The following SRP68 variants were observed in gnomAD, a reference collection of about 807,000 sequenced individuals.
SRP68 encodes the protein signal recognition particle subunit SRP68.
A neutral mutation model predicts 82.2 loss-of-function variants in SRP68; 15 were observed. The observed-to-expected ratio is 0.18, with a 90% confidence interval of 0.12 to 0.28. The LOEUF (loss-of-function observed/expected upper bound fraction) is 0.28, where lower values mean the gene tolerates loss of function less well. Ranked by LOEUF, SRP68 falls within the 10% of genes least tolerant of loss-of-function variation. The pLI, the probability that SRP68 is intolerant of heterozygous loss-of-function variation, is 1.00. For missense variants in SRP68, 595 were observed against 780.5 expected (o/e 0.76, Z 2.83); for synonymous variants, 261 against 292.6 (o/e 0.89, Z 1.10).
At chr17:76,059,010 C>T (rs373350380) in intron 7 of SRP68, among the ~76,000 whole-genome samples, 1 of 152,090 alleles carries the variant, frequency 6.6e-6, no homozygotes, top group African/African-American at 2.4e-5. Flanking sequence ...GAGGCTAAGG[C>T]GAACAGATTG....
At chr17:76,062,277 A>G (rs1309617906) in intron 4 of SRP68, among the ~76,000 whole-genome samples, 1 of 130,040 alleles carries the variant, frequency 7.7e-6, no homozygotes, top group African/African-American at 3.2e-5. Context: ...ACAGAGTGAG[A>G]CTCTGTCTCA....
At chr17:76,057,663 T>C (rs1446546181) in intron 7 of SRP68, 120 bp from the exon 8 acceptor site, 2 of 1,109,450 alleles carry the variant, frequency 1.8e-6, no homozygotes, top group African/African-American at 1.6e-5. Flanking sequence ...CCATAGAAAG[T>C]AGAGTATACA....
At chr17:76,045,192 C>G in intron 12 of SRP68, 100 bp downstream of exon 12, 1 of 882,662 alleles carries the variant, frequency 1.1e-6, no homozygotes, top group Non-Finnish European at 1.8e-6. Flanking sequence ...TAACCATACA[C>G]TCAAGGCCAA....
intron 8 of SRP68, chr17:76,053,473 T>G (rs2066690482): frequency 1.2e-5 from 12 of 985,232 alleles, no homozygotes; most frequent in Non-Finnish European, 1.4e-5. Context: ...TTGCCTCTTT[T>G]CCTGTCGGTA....
Position 76,067,329 on chromosome 17 carries a change from C to T in SRP68, c.253G>A (p.Gly85Ser), listed in dbSNP as rs763306027. ...CGTCTTTGTCTACGGGAACAGTAGC[C>T]CCTGTAAGAAACCACAAACAAAACT... ...LRHGDFQRYRGYCSRRQRRLR... is the reference protein window; with the variant it reads ...LRHGDFQRYRSYCSRRQRRLR... The change falls in exon 3 of 16, where the codon GGC becomes AGC. Residue 85 changes from glycine to serine, a missense_variant and splice_region_variant. Physicochemically the swap from Gly to Ser is moderately conservative, Grantham distance 56. Around this residue, in one of 2 missense-constraint regions of SRP68, gnomAD observed 495 missense variants for 688.6 expected, o/e 0.72. Coordinates refer to ENST00000307877, the MANE Select transcript of SRP68 (RefSeq NM_014230.4). 1.4e-5 allele frequency: 23 copies of T among 1,609,696 alleles called. No individual in the cohort carries two copies. Among genetic ancestry groups the T allele is most frequent in the Non-Finnish European group, 1.9e-5 (22 of 1,177,972 alleles).
Position 76,046,056 on chromosome 17 carries a change from G to A in SRP68, c.1281C>T (p.Leu427=), listed in dbSNP as rs2066627610. ...RSPRPQDLIR[L]YDIILQNLVE... is the part of the protein sequence containing the mutation. ...GGGTCACCTGTAAGATGATGTCATA[G>A]AGTCGGATCAGGTCCTGGGGCCGGG... The change falls in exon 11 of 16, where the codon CTC becomes CTT. Residue 427 remains leucine (L), a synonymous_variant. Transcript: ENST00000307877. 1 of 1,613,944 alleles carries A rather than the reference G, an allele frequency of 6.2e-7. No individual in the cohort carries two copies. Among genetic ancestry groups the A allele is most frequent in the Non-Finnish European group, 8.5e-7 (1 of 1,179,882 alleles).
chr17:76,062,678 A>T (rs185494006), intron 4 of SRP68, among the ~76,000 whole-genome samples: 629 of 22,406 alleles, frequency 0.028, 146 homozygotes, highest in African/African-American at 0.17. Flanking sequence ...ACATTATATA[A>T]TATATAATAT....
intron 12 of SRP68, 63 bp from the exon 13 acceptor site, chr17:76,044,021 C>T: frequency 6.5e-7 from 1 of 1,547,884 alleles, no homozygotes; most frequent in Admixed American, 2.2e-5. Flanking sequence ...CCAAGGCTTT[C>T]CTTGCAGTTT....
At chr17:76,059,418 T>C (rs1211528019) in intron 7 of SRP68, among the ~76,000 whole-genome samples, 1 of 152,022 alleles carries the variant, frequency 6.6e-6, no homozygotes, top group East Asian at 1.9e-4. Context: ...GGCGGGCGCC[T>C]GTAATCCCAG....
intron 3 of SRP68, among the ~76,000 whole-genome samples, chr17:76,065,888 A>C (rs564828722): frequency 6.6e-6 from 1 of 151,468 alleles, no homozygotes; most frequent in South Asian, 2.1e-4. Context: ...AGGTTCAAGG[A>C]CCATGCCTCC....
chr17:76,045,286 C>A lies in SRP68; in HGVS notation c.1394+6G>T, dbSNP rs368769350. ...GAGGAAAACTGCCCATCCCATGGGA[C>A]GTTACCTGTAAGCTTTGAACACCAG... On this transcript the variant is annotated splice_donor_region_variant and intron_variant, in intron 12 of 15. Transcript: ENST00000307877. 3.1e-6 allele frequency: 5 copies of A among 1,611,668 alleles called. No individual in the cohort carries two copies. The highest frequency in any genetic ancestry group is 4.2e-6 in the Non-Finnish European group (5 of 1,178,082).
At chr17:76,041,024 G>T in intron 13 of SRP68, 46 bp from the exon 14 acceptor site, 2 of 1,548,478 alleles carry the variant, frequency 1.3e-6, no homozygotes, top group South Asian at 2.2e-5. Context: ...GGCCAGGTCA[G>T]AGAAGCACAC....
At position 76,039,967 on chromosome 17, in the gene SRP68, C is replaced by T. The variant is rs548585908; in HGVS notation, c.1657-34G>A. ...CAAATCAAAGAGACGTATGTAGCATCGGTCACAGAACACCCTTGGTGAACA... is the reference window on the plus strand; with the variant it reads ...CAAATCAAAGAGACGTATGTAGCATTGGTCACAGAACACCCTTGGTGAACA... On this transcript the variant is annotated intron_variant, in intron 15 of 15. Coordinates refer to ENST00000307877, the MANE Select transcript of SRP68 (RefSeq NM_014230.4). 4.0e-5 allele frequency: 64 copies of T among 1,602,072 alleles called. No individual in the cohort carries two copies. The East Asian group carries it at 5.1e-4, about 13-fold the overall frequency.
At chr17:76,057,111 G>C (rs1006019225) in intron 8 of SRP68, among the ~76,000 whole-genome samples, 8 of 152,176 alleles carry the variant, frequency 5.3e-5, no homozygotes, top group Non-Finnish European at 1.2e-4. Context: ...TGCACCACCT[G>C]CTGGGCCAAA....
In SRP68 at chr17:76,072,200, C is replaced by T; in HGVS notation, c.184+108G>A. The T allele has an allele frequency of 6.4e-7, 1 of 1,574,674 alleles. No individual in the cohort carries two copies. The highest frequency in any genetic ancestry group is 2.0e-5 in the Admixed American group (1 of 50,814). The stretch of plus-strand genomic sequence containing the variant: ...AGGTAAGGGCGAGAGAAACTGCAAC[C>T]CTCGGCCTCTCCTGCCAGGACTTGT... On this transcript the variant is annotated intron_variant, in intron 1 of 15. Transcript: ENST00000307877. This position sits in a 1 kb window ranked among gnomAD's most constrained non-coding sequence, Gnocchi z 4.5.
rs144469138 is a variant in SRP68, at chr17:76,045,333, C to T, written c.1353G>A (p.Gln451=). 6.2e-6 allele frequency: 10 copies of T among 1,613,914 alleles called. No individual in the cohort carries two copies. The East Asian group carries it at 2.2e-4, about 36-fold the overall frequency. ...CCAGAGTCTTGAGGCCTATCTCTTT[C>T]TGGAAGGCTTTGTCTTCCTCTAAAC... The part of the protein sequence containing the change: ...LPGLEEDKAF[Q]KEIGLKTLVF... The change falls in exon 12 of 16, where the codon CAG becomes CAA. Residue 451 remains glutamine (Q), a synonymous_variant. Transcript: ENST00000307877.
intron 2 of SRP68, among the ~76,000 whole-genome samples, chr17:76,068,193 G>A (rs1011637833): frequency 6.6e-6 from 1 of 152,110 alleles, no homozygotes; most frequent in African/African-American, 2.4e-5. Flanking sequence ...TCGGGAGGAT[G>A]AGGCAGGACA....
At chr17:76,061,643 T>C (rs1027837840) in intron 4 of SRP68, 69 bp from the exon 5 acceptor site, 7 of 1,317,888 alleles carry the variant, frequency 5.3e-6, no homozygotes, top group Admixed American at 1.7e-5. Context: ...TCTTCCTTTA[T>C]TGGCTTCTAA....
intron 7 of SRP68, 70 bp downstream of exon 7, chr17:76,060,238 A>G (rs1390558731): frequency 1.1e-6 from 1 of 927,590 alleles, no homozygotes; most frequent in Non-Finnish European, 1.7e-6. Context: ...AAATATCCCT[A>G]GGGGATTATG....
Sources: allele counts gnomAD v4.1 joint callset (sites outside exome capture counted in the v4.1 genomes callset), GRCh38; gene constraint gnomAD v4.1.1; regional missense constraint gnomAD v4.1.1; non-coding constraint Gnocchi (gnomAD v3.1); transcripts MANE v1.5; gene names NCBI Gene and HGNC (gene_info 2026-07-23, HGNC 2026-07-21).